The following TOP2A variants were observed in gnomAD, a reference collection of about 807,000 sequenced individuals.
TOP2A encodes the protein DNA topoisomerase 2-alpha.
In TOP2A, 68 loss-of-function variants were observed where a neutral mutation model predicts 187.2. That is an observed-to-expected ratio of 0.36 (90% CI 0.30 to 0.44). The LOEUF is 0.44. Ranked by LOEUF, TOP2A falls within the 20% of genes least tolerant of loss-of-function variation. TOP2A has a pLI of 1.00. For synonymous variants in TOP2A, 542 were observed against 593.2 expected, an observed-to-expected ratio of 0.91 and a Z score of 1.25; for missense variants, 1,196 against 1,808.7, an observed-to-expected ratio of 0.66 and a Z score of 6.14.
chr17:40,408,373 G>A (rs2035274200), intron 11 of TOP2A, 119 bp downstream of exon 11: 2 of 1,130,750 alleles, frequency 1.8e-6, no homozygotes, highest in South Asian at 3.6e-5. Context: ...TTTTTAACAA[G>A]TTATTCTGTT....
At chr17:40,417,723 C>A (rs368977785) in intron 1 of TOP2A, 48 bp downstream of exon 1, 2 of 1,610,490 alleles carry the variant, frequency 1.2e-6, no homozygotes, top group Admixed American at 1.7e-5. Context: ...CAGAGAGATG[C>A]CCGGGCCGCG....
intron 1 of TOP2A, chr17:40,417,484 G>T: frequency 7.5e-7 from 1 of 1,327,320 alleles, no homozygotes; most frequent in Non-Finnish European, 9.9e-7. Context: ...CAATAACGTC[G>T]CACCCGGGCC....
intron 29 of TOP2A, among the ~76,000 whole-genome samples, chr17:40,394,949 A>G (rs1392552390): frequency 6.6e-6 from 1 of 152,230 alleles, no homozygotes; most frequent in East Asian, 1.9e-4. Context: ...CTACTTCATT[A>G]CAAAATATTT....
At chr17:40,414,129 G>A (rs1423801378) in intron 4 of TOP2A, among the ~76,000 whole-genome samples, 1 of 151,986 alleles carries the variant, frequency 6.6e-6, no homozygotes. Context: ...TAAAATGTTA[G>A]GATAAACAGA....
chr17:40,388,989 G>T lies in TOP2A; in HGVS notation c.*530C>A, dbSNP rs1376557070. The T allele has an allele frequency of 4.7e-6, 1 of 214,848 alleles. No individual in the cohort carries two copies. Among genetic ancestry groups the T allele is most frequent in the East Asian group, 7.0e-5 (1 of 14,306 alleles). 13.3% of individuals were successfully genotyped at this position (214,848 alleles called of 1,614,324 possible). On this transcript the variant is annotated 3_prime_UTR_variant, in exon 35 of 35. Coordinates refer to ENST00000423485, the MANE Select transcript of TOP2A (RefSeq NM_001067.4). Reference sequence around the variant, plus strand: ...TGAAGAACATGAGCAATTTCTCATTGCTTAAAGAAAAACTTGGCACATAAG... The same window carrying T: ...TGAAGAACATGAGCAATTTCTCATTTCTTAAAGAAAAACTTGGCACATAAG...
rs1436648246 is a variant in TOP2A at position 40,391,623 on chromosome 17, C to T, written c.4150G>A (p.Val1384Ile). Reference sequence around the variant, plus strand: ...GAAGACAGTGGTACACTGCCCTTAACATCATCAGCTTCAAGGTCTATTATT... The same window carrying T: ...GAAGACAGTGGTACACTGCCCTTAATATCATCAGCTTCAAGGTCTATTATT... Reference protein sequence around the residue: ...SVVSDLEADDVKGSVPLSSSP... With the variant: ...SVVSDLEADDIKGSVPLSSSP... Residue 1384 changes from valine (V) to isoleucine (I), a missense_variant, in exon 33 of 35, where the codon GTT becomes ATT. By Grantham distance (29) the Val-to-Ile change is conservative (BLOSUM62 3). This residue lies in a region of TOP2A where 374 missense variants were observed against 403.3 expected (regional missense o/e 0.93). Coordinates refer to ENST00000423485, the MANE Select transcript of TOP2A (RefSeq NM_001067.4). 1.9e-6 allele frequency: 3 copies of T among 1,601,804 alleles called. No individual in the cohort carries two copies. Among genetic ancestry groups the T allele is most frequent in the Non-Finnish European group, 2.6e-6 (3 of 1,175,904 alleles).
chr17:40,392,476 T>C, intron 30 of TOP2A, 109 bp downstream of exon 30: 1 of 1,469,284 alleles, frequency 6.8e-7, no homozygotes, highest in Admixed American at 2.1e-5. Context: ...AGCTTTAACA[T>C]AATTTACTGC....
intron 27 of TOP2A, 99 bp downstream of exon 27, chr17:40,398,459 T>C: frequency 3.7e-6 from 4 of 1,089,314 alleles, no homozygotes; most frequent in Non-Finnish European, 5.2e-6. Flanking sequence ...TCTTATTTTC[T>C]TTTTATTGCC....
At position 40,408,549 on chromosome 17, in the gene TOP2A, C is replaced by A; in HGVS notation, c.1285G>T (p.Ala429Ser). 2 of 1,613,694 alleles carry A rather than the reference C, an allele frequency of 1.2e-6. No individual in the cohort carries two copies. The highest frequency in any genetic ancestry group is 1.7e-6 in the Non-Finnish European group (2 of 1,179,670). Residue 429 changes from alanine (A) to serine (S), a missense_variant, in exon 11 of 35, where the codon GCT becomes TCT. Physicochemically the swap from Ala to Ser is moderately conservative, Grantham distance 99. This residue lies in a region of TOP2A where 252 missense variants were observed against 434.8 expected (regional missense o/e 0.58). Transcript: ENST00000423485. ...AQVQLNKKCS[A>S]VKHNRIKGIP... ...CCCTTGATTCTATTATGTTTTACAG[C>A]TGAACACTTCTTGTTTAACTGGACT...
chr17:40,416,312 G>T (rs1213613192), intron 3 of TOP2A, 110 bp downstream of exon 3: 2 of 818,134 alleles, frequency 2.4e-6, no homozygotes, highest in East Asian at 5.3e-5. Flanking sequence ...CAGCAGGTTT[G>T]GTAGAAATGA....
chr17:40,392,735 T>C lies in TOP2A; in HGVS notation c.3814A>G (p.Thr1272Ala), dbSNP rs2035041089. The C allele has an allele frequency of 6.2e-7, 1 of 1,607,532 alleles. No homozygotes were observed. Among genetic ancestry groups the C allele is most frequent in the Non-Finnish European group, 8.5e-7 (1 of 1,178,530 alleles). ...AATGTAGTTTGTTTCTTTGTCTTTG[T>C]ACCTAGAGGGGAGATAGAAATTAAT... Reference protein sequence around the residue: ...LEKKQKREPGTKTKKQTTLAF... With the variant: ...LEKKQKREPGAKTKKQTTLAF... The change falls in exon 30 of 35, where the codon ACA becomes GCA. Residue 1272 changes from threonine (T) to alanine (A), a missense_variant and splice_region_variant. Physicochemically the swap from Thr to Ala is moderately conservative, Grantham distance 58. Coordinates refer to ENST00000423485, the MANE Select transcript of TOP2A (RefSeq NM_001067.4).
In TOP2A at chr17:40,396,385, T is replaced by C. The variant is rs759316695; in HGVS notation, c.3618A>G (p.Gln1206=). The change falls in exon 28 of 35, where the codon CAA becomes CAG. Residue 1206 remains glutamine (Q), a synonymous_variant. Coordinates refer to ENST00000423485, the MANE Select transcript of TOP2A (RefSeq NM_001067.4). ...KGGKAKGKKT[Q]MAEVLPSPRG... ...GCGGAGAAGGCAAAACTTCAGCCAT[T>C]TGTGTTTTTTTCCCCTTGGCCTTCC... 36 of 1,613,878 alleles carry C rather than the reference T, an allele frequency of 2.2e-5. No homozygotes were observed. The highest frequency in any genetic ancestry group is 2.9e-5 in the Non-Finnish European group (34 of 1,179,894).
intron 27 of TOP2A, among the ~76,000 whole-genome samples, chr17:40,398,332 G>A (rs1323356511): frequency 6.6e-6 from 1 of 151,874 alleles, no homozygotes; most frequent in Non-Finnish European, 1.5e-5. Context: ...TTGAACCCCT[G>A]ACCTCAAGTG....
chr17:40,411,168 T>C lies in TOP2A; in HGVS notation c.1144A>G (p.Thr382Ala). 2 of 1,613,448 alleles carry C rather than the reference T, an allele frequency of 1.2e-6. No homozygotes were observed. The highest frequency in any genetic ancestry group is 1.7e-6 in the Non-Finnish European group (2 of 1,179,672). The change falls in exon 10 of 35, where the codon ACT becomes GCT. Residue 382 changes from threonine (T) to alanine (A), a missense_variant. Coordinates refer to ENST00000423485, the MANE Select transcript of TOP2A (RefSeq NM_001067.4). The surrounding 1 kb of genome is among the most constrained non-coding windows in gnomAD (Gnocchi z 4.4). ...GATCCAAAGCTCTTGGGTTGTAAAGTCATGTTTTCTTTTGTCTGAGAGTCA... is the reference window on the plus strand; with the variant it reads ...GATCCAAAGCTCTTGGGTTGTAAAGCCATGTTTTCTTTTGTCTGAGAGTCA... The part of the protein sequence containing the change: ...TFDSQTKENM[T>A]LQPKSFGSTC...
At chr17:40,389,736 A>C (rs1446371894) in intron 34 of TOP2A, 89 bp from the exon 35 acceptor site, 7 of 1,471,960 alleles carry the variant, frequency 4.8e-6, no homozygotes, top group Non-Finnish European at 5.5e-6. Context: ...ACTATATTCA[A>C]GGAGTTTTCT....
At position 40,400,368 on chromosome 17, in the gene TOP2A, G is replaced by A. The variant is rs373156274; in HGVS notation, c.2841C>T (p.Thr947=). 22 of 1,613,096 alleles carry A rather than the reference G, an allele frequency of 1.4e-5. No individual in the cohort carries two copies. Among genetic ancestry groups the A allele is most frequent in the East Asian group, 8.9e-5 (4 of 44,844 alleles). Residue 947 remains threonine (T), a synonymous_variant, in exon 23 of 35, where the codon ACC becomes ACT. Coordinates refer to ENST00000423485, the MANE Select transcript of TOP2A (RefSeq NM_001067.4). The stretch of plus-strand genomic sequence containing the variant: ...CTGTTATGAGAGGAGGTGTCTTCTC[G>A]GTGCCATTCAACATGGGTTCTAGAA... ...EQVLEPMLNG[T]EKTPPLITDY... is the part of the protein sequence containing the mutation.
chr17:40,408,658 A>G (rs771188171), intron 10 of TOP2A, 28 bp from the exon 11 acceptor site: 1 of 1,610,142 alleles, frequency 6.2e-7, no homozygotes, highest in Admixed American at 1.7e-5. Flanking sequence ...CATATTAGGG[A>G]TCATATTAGG....
chr17:40,401,445 C>T (rs2035179346), intron 20 of TOP2A, among the ~76,000 whole-genome samples: 1 of 152,160 alleles, frequency 6.6e-6, no homozygotes, highest in South Asian at 2.1e-4. Context: ...TGCAGTAACT[C>T]GCGCCTGTAA....
In TOP2A at chr17:40,416,008, T is replaced by A; in HGVS notation, c.329A>T (p.Asp110Val). 1.3e-6 allele frequency: 2 copies of A among 1,584,222 alleles called. No homozygotes were observed. Among genetic ancestry groups the A allele is most frequent in the Non-Finnish European group, 1.7e-6 (2 of 1,161,828 alleles). Reference sequence around the variant, plus strand: ...AAAAACTAAGCAAAAGACGTACGGATCAATTGTGACTCTAATACAAGACAT... The same window carrying A: ...AAAAACTAAGCAAAAGACGTACGGAACAATTGTGACTCTAATACAAGACAT... ...PKMSCIRVTI[D>V]PENNLISIWN... Residue 110 changes from aspartate (D) to valine (V), a missense_variant, in exon 4 of 35, where the codon GAT becomes GTT. Physicochemically the swap from Asp to Val is radical, Grantham distance 152 (BLOSUM62 -3). This residue lies in a region of TOP2A where 97 missense variants were observed against 171.0 expected (regional missense o/e 0.57). Coordinates refer to ENST00000423485, the MANE Select transcript of TOP2A (RefSeq NM_001067.4).
Sources: allele counts gnomAD v4.1 joint callset (sites outside exome capture counted in the v4.1 genomes callset), GRCh38; gene constraint gnomAD v4.1.1; regional missense constraint gnomAD v4.1.1; non-coding constraint Gnocchi (gnomAD v3.1); transcripts MANE v1.5; gene names NCBI Gene and HGNC (gene_info 2026-07-23, HGNC 2026-07-21).